The following ZSWIM8 variants were observed in gnomAD, a reference collection of about 807,000 sequenced individuals.
ZSWIM8 encodes zinc finger SWIM domain-containing protein 8.
A neutral mutation model predicts 173.7 loss-of-function variants in ZSWIM8; 27 were observed. That is an observed-to-expected ratio of 0.16 (90% CI 0.11 to 0.21). The LOEUF (loss-of-function observed/expected upper bound fraction) is 0.21. Among genes scored for constraint, ZSWIM8 ranks in the 10% least tolerant of loss-of-function variants. The pLI, the probability that ZSWIM8 is intolerant of heterozygous loss-of-function variation, is 1.00. For missense variants in ZSWIM8, 1,627 were observed against 2,428.8 expected, an observed-to-expected ratio of 0.67 and a Z score of 6.94; for synonymous variants, 958 against 962.0, an observed-to-expected ratio of 1.00 and a Z score of 0.08.
chr10:73,797,849 A>G lies in ZSWIM8; in HGVS notation c.3731A>G (p.His1244Arg). The G allele has an allele frequency of 6.2e-7, 1 of 1,613,502 alleles. No homozygotes were observed. Among genetic ancestry groups the G allele is most frequent in the Non-Finnish European group, 8.5e-7 (1 of 1,179,830 alleles). ...AATCAGCCATCAGAGGCAGCTGCAC[A>G]CTTCTACTTCGAGCTGGCGAAGACA... The part of the protein sequence containing the change: ...VPNQPSEAAA[H>R]FYFELAKTVL... Residue 1244 changes from histidine to arginine, a missense_variant, in exon 19 of 26, where the codon CAC becomes CGC. His to Arg is a conservative substitution (Grantham distance 29, BLOSUM62 0). Coordinates refer to ENST00000604729, the MANE Select transcript of ZSWIM8 (RefSeq NM_001367799.1). The surrounding 1 kb of genome is among the most constrained non-coding windows in gnomAD (Gnocchi z 5.6).
At chr10:73,790,466 A>G (rs1285761731) in intron 7 of ZSWIM8, among the ~76,000 whole-genome samples, 174 bp downstream of exon 7, 1 of 152,240 alleles carries the variant, frequency 6.6e-6, no homozygotes, top group Non-Finnish European at 1.5e-5. Flanking sequence ...ATGACCTTGT[A>G]CAGTCACAGA....
intron 21 of ZSWIM8, 110 bp from the exon 22 acceptor site, chr10:73,799,901 A>C: frequency 1.2e-6 from 1 of 810,924 alleles, no homozygotes; most frequent in Non-Finnish European, 1.9e-6. Context: ...GGACAGAGCG[A>C]GACTCTATCT....
chr10:73,801,591 G>A lies in ZSWIM8; in HGVS notation c.*72G>A, dbSNP rs1339668622. On this transcript the variant is annotated 3_prime_UTR_variant, in exon 26 of 26. Coordinates refer to ENST00000604729, the MANE Select transcript of ZSWIM8 (RefSeq NM_001367799.1). This position sits in a 1 kb window ranked among gnomAD's most constrained non-coding sequence, Gnocchi z 4.9. ...TGGGGGCCCCTCACACAGGGGGAGT[G>A]AAACTTGGCTGGACAGATCATCCTC... 1.9e-6 allele frequency: 3 copies of A among 1,568,752 alleles called. No individual in the cohort carries two copies. Among genetic ancestry groups the A allele is most frequent in the South Asian group, 2.3e-5 (2 of 86,844 alleles).
Position 73,800,117 on chromosome 10 carries a change from C to G in ZSWIM8, c.4772C>G (p.Thr1591Arg), listed in dbSNP as rs2083866880. The G allele has an allele frequency of 1.2e-6, 2 of 1,613,912 alleles. No individual in the cohort carries two copies. The highest frequency in any genetic ancestry group is 1.7e-6 in the Non-Finnish European group (2 of 1,179,864). Reference protein sequence around the residue: ...SFPVPSMAPITVHPYHTEPGL... With the variant: ...SFPVPSMAPIRVHPYHTEPGL... ...CCCGTTCCTTCCATGGCACCCATCA[C>G]AGTACATCCCTACCACACAGAGCCA... Residue 1591 changes from threonine (T) to arginine (R), a missense_variant, in exon 22 of 26, where the codon ACA becomes AGA. Around this residue, in one of 18 missense-constraint regions of ZSWIM8, gnomAD observed 275 missense variants for 290.1 expected, o/e 0.95. Coordinates refer to ENST00000604729, the MANE Select transcript of ZSWIM8 (RefSeq NM_001367799.1). This position sits in a 1 kb window ranked among gnomAD's most constrained non-coding sequence, Gnocchi z 4.1.
Position 73,785,786 on chromosome 10 carries a change from C to A in ZSWIM8, c.-93C>A. The A allele has an allele frequency of 1.5e-6, 2 of 1,371,212 alleles. No individual in the cohort carries two copies. Among genetic ancestry groups the A allele is most frequent in the Non-Finnish European group, 9.9e-7 (1 of 1,014,194 alleles). The allele number at this position is 1,371,212 out of a possible 1,614,324, so 84.9% of individuals were successfully genotyped here. On this transcript the variant is annotated 5_prime_UTR_variant, in exon 1 of 26. Coordinates refer to ENST00000604729, the MANE Select transcript of ZSWIM8 (RefSeq NM_001367799.1). ...CCCGGCCACCCCCAGCCCCGGCTCGCCCCTCAGGCCCCGGGCCTCCCCTCA... is the reference window on the plus strand; with the variant it reads ...CCCGGCCACCCCCAGCCCCGGCTCGACCCTCAGGCCCCGGGCCTCCCCTCA...
At position 73,797,147 on chromosome 10, in the gene ZSWIM8, A is replaced by G. The variant is rs912120241; in HGVS notation, c.3309A>G (p.Pro1103=). 8.1e-6 allele frequency: 13 copies of G among 1,613,600 alleles called. No individual in the cohort carries two copies. The highest frequency in any genetic ancestry group is 2.7e-5 in the African/African-American group (2 of 74,898). The change falls in exon 17 of 26, where the codon CCA becomes CCG. Residue 1103 remains proline (P), a synonymous_variant. Transcript: ENST00000604729. The surrounding 1 kb of genome is among the most constrained non-coding windows in gnomAD (Gnocchi z 5.6). ...SSPHSPCEGL[P]SEAALTPRPE... is the part of the protein sequence containing the mutation. Reference sequence around the variant, plus strand: ...CACATTCCCCCTGTGAGGGTCTTCCATCTGAGGCAGCTTTGACCCCAAGGC... The same window carrying G: ...CACATTCCCCCTGTGAGGGTCTTCCGTCTGAGGCAGCTTTGACCCCAAGGC...
Position 73,797,048 on chromosome 10 carries a change from G to A in ZSWIM8, c.3274+34G>A, listed in dbSNP as rs2083694014. Reference sequence around the variant, plus strand: ...GGGGCACTGGGCAGGGGGGATGAATGGTGTGGACCTATGTTGAGGTCCCCT... The same window carrying A: ...GGGGCACTGGGCAGGGGGGATGAATAGTGTGGACCTATGTTGAGGTCCCCT... On this transcript the variant is annotated intron_variant, in intron 16 of 25. Transcript: ENST00000604729. The surrounding 1 kb of genome is among the most constrained non-coding windows in gnomAD (Gnocchi z 5.6). 1 of 1,609,616 alleles carries A rather than the reference G, an allele frequency of 6.2e-7. No homozygotes were observed. The highest frequency in any genetic ancestry group is 8.5e-7 in the Non-Finnish European group (1 of 1,177,008).
Position 73,797,445 on chromosome 10 carries a change from C to T in ZSWIM8, c.3502C>T (p.Pro1168Ser). The part of the protein sequence containing the change: ...SDSSPTLSRR[P>S]LRGGWAPTSW... ...TAGTTCCCCCACCTTAAGCCGGAGA[C>T]CACTTCGAGGGGGCTGGGCCCCCAC... The change falls in exon 18 of 26, where the codon CCA (proline) becomes TCA (serine). Residue 1168 changes from proline (P) to serine (S), a missense_variant. By Grantham distance (74) the Pro-to-Ser change is moderately conservative (BLOSUM62 -1). This residue lies in a region of ZSWIM8 where 72 missense variants were observed against 98.4 expected (regional missense o/e 0.73). Coordinates refer to ENST00000604729, the MANE Select transcript of ZSWIM8 (RefSeq NM_001367799.1). The surrounding 1 kb of genome is among the most constrained non-coding windows in gnomAD (Gnocchi z 5.6). The T allele has an allele frequency of 1.2e-6, 2 of 1,613,944 alleles. No homozygotes were observed. Among genetic ancestry groups the T allele is most frequent in the Non-Finnish European group, 1.7e-6 (2 of 1,179,858 alleles).
rs900078134 is a variant in ZSWIM8, at chr10:73,792,355, C to T, written c.1816C>T (p.Arg606Trp). The change falls in exon 10 of 26, where the codon CGG (arginine) becomes TGG (tryptophan). Residue 606 changes from arginine (R) to tryptophan (W), a missense_variant. Physicochemically the swap from Arg to Trp is moderately radical, Grantham distance 101. Around this residue, in one of 18 missense-constraint regions of ZSWIM8, gnomAD observed 383 missense variants for 394.8 expected, o/e 0.97. Coordinates refer to ENST00000604729, the MANE Select transcript of ZSWIM8 (RefSeq NM_001367799.1). The surrounding 1 kb of genome is among the most constrained non-coding windows in gnomAD (Gnocchi z 4.3). ...KGSAGGGSKR[R>W]LSSEDSSLEP... is the part of the protein sequence containing the mutation. ...CTCAGCAGGTGGCGGAAGCAAGCGACGGCTGAGCAGCGAAGACAGCTCCCT... is the reference window on the plus strand; with the variant it reads ...CTCAGCAGGTGGCGGAAGCAAGCGATGGCTGAGCAGCGAAGACAGCTCCCT... The T allele has an allele frequency of 6.8e-6, 11 of 1,611,224 alleles. No individual in the cohort carries two copies. The highest frequency in any genetic ancestry group is 2.7e-5 in the African/African-American group (2 of 74,870).
In ZSWIM8 at chr10:73,800,925, G is replaced by GCTCT; in HGVS notation, c.5123-89_5123-86dup. 7.4e-7 allele frequency: 1 copy of GCTCT among 1,351,044 alleles called. No homozygotes were observed. Among genetic ancestry groups the GCTCT allele is most frequent in the Non-Finnish European group, 1.0e-6 (1 of 988,754 alleles). The allele number at this position is 1,351,044 out of a possible 1,614,324, so 83.7% of individuals were successfully genotyped here. On this transcript the variant is annotated intron_variant, in intron 24 of 25. Coordinates refer to ENST00000604729, the MANE Select transcript of ZSWIM8 (RefSeq NM_001367799.1). The surrounding 1 kb of genome is among the most constrained non-coding windows in gnomAD (Gnocchi z 4.1). ...ACCTCAGCTCCTGGGGTGGAGGGAG[G>GCTCT]CTCTCTGCCAGGCCAGAGCTGAGAT...
chr10:73,795,411 G>A (rs148981138), intron 14 of ZSWIM8, 128 bp from the exon 15 acceptor site: 49 of 1,409,170 alleles, frequency 3.5e-5, no homozygotes, highest in Non-Finnish European at 4.7e-5. Context: ...ACTTCTATAG[G>A]TGATGTGGGT....
rs1433798948 is a variant in ZSWIM8, at chr10:73,798,414, T to C, written c.4137T>C (p.Pro1379=). 2 of 1,613,980 alleles carry C rather than the reference T, an allele frequency of 1.2e-6. No homozygotes were observed. The change falls in exon 20 of 26, where the codon CCT becomes CCC. Residue 1379 remains proline, a synonymous_variant. Transcript: ENST00000604729. ...TGCCTCACGCCCATGCATTGAACCC[T>C]AATGAGATCCAGCGGGCCCTGGTGC... ...SCLPHAHALN[P]NEIQRALVQC... is the part of the protein sequence containing the mutation.
chr10:73,796,708 T>C (rs1250409847), intron 15 of ZSWIM8, 66 bp from the exon 16 acceptor site: 3 of 1,586,374 alleles, frequency 1.9e-6, no homozygotes, highest in African/African-American at 1.3e-5. Context: ...AGGAAGGTAA[T>C]AGAAGTCAGG....
At chr10:73,790,106 A>G in intron 6 of ZSWIM8, 66 bp from the exon 7 acceptor site, 1 of 1,610,986 alleles carries the variant, frequency 6.2e-7, no homozygotes, top group South Asian at 1.1e-5. Context: ...CATTTACTCA[A>G]GGCTTGCTGT....
intron 10 of ZSWIM8, 66 bp from the exon 11 acceptor site, chr10:73,793,520 AGT>A: frequency 6.7e-7 from 1 of 1,493,250 alleles, no homozygotes; most frequent in Non-Finnish European, 9.0e-7. Flanking sequence ...TGGCTGCATG[AGT>A]GAGCATGATG....
intron 15 of ZSWIM8, among the ~76,000 whole-genome samples, chr10:73,795,913 G>T (rs892397822): frequency 6.8e-6 from 1 of 146,356 alleles, no homozygotes; most frequent in Non-Finnish European, 1.5e-5. Flanking sequence ...CAATGAGCTG[G>T]GTTCACGCCA....
chr10:73,786,190 C>A, intron 1 of ZSWIM8, 104 bp downstream of exon 1: 1 of 1,276,686 alleles, frequency 7.8e-7, no homozygotes, highest in Non-Finnish European at 1.0e-6. Flanking sequence ...TCTCTTCAAC[C>A]AGGGGAAGAA....
chr10:73,800,883 G>GC lies in ZSWIM8; in HGVS notation c.5122+125dup. ...GCCTTGGTCGGGTATGTGTGCGTGC[G>GC]CGGGGGGCGGAGGGTTACCTCAGCT... On this transcript the variant is annotated intron_variant, in intron 24 of 25. Coordinates refer to ENST00000604729, the MANE Select transcript of ZSWIM8 (RefSeq NM_001367799.1). The surrounding 1 kb of genome is among the most constrained non-coding windows in gnomAD (Gnocchi z 4.1). 2 of 1,183,520 alleles carry GC rather than the reference G, an allele frequency of 1.7e-6. No homozygotes were observed. Among genetic ancestry groups the GC allele is most frequent in the Admixed American group, 4.7e-5 (2 of 42,206 alleles). 73.3% of individuals were successfully genotyped at this position (1,183,520 alleles called of 1,614,324 possible).
chr10:73,793,577 C>T lies in ZSWIM8; in HGVS notation c.2314-11C>T, dbSNP rs369412875. On this transcript the variant is annotated splice_polypyrimidine_tract_variant and intron_variant, in intron 10 of 25. Coordinates refer to ENST00000604729, the MANE Select transcript of ZSWIM8 (RefSeq NM_001367799.1). Reference sequence around the variant, plus strand: ...GACTTTAACCTGTCTGGTCCCATGTCCTCCTTCCAGGTACTGTTTGCCTGT... The same window carrying T: ...GACTTTAACCTGTCTGGTCCCATGTTCTCCTTCCAGGTACTGTTTGCCTGT... The T allele has an allele frequency of 1.3e-6, 2 of 1,571,700 alleles. No homozygotes were observed. The highest frequency in any genetic ancestry group is 1.7e-6 in the Non-Finnish European group (2 of 1,157,846).
Sources: gnomAD v4.1 joint callset for allele counts (sites outside exome capture counted in the v4.1 genomes callset) on GRCh38, gnomAD v4.1.1 for gene constraint, gnomAD v4.1.1 regional missense constraint, Gnocchi (gnomAD v3.1) non-coding constraint, MANE v1.5 for transcripts, NCBI Gene and HGNC (gene_info 2026-07-23, HGNC 2026-07-21) for gene names.